Variants in EPHB4 observed in about 807,000 individuals in gnomAD.
EPHB4 encodes the protein EPH receptor B4.
Under a neutral mutation model 110.6 loss-of-function variants are expected in EPHB4, and 50 were observed. The observed-to-expected ratio is 0.45, with a 90% CI of 0.36 to 0.57. The LOEUF is 0.57. Among genes scored for constraint, EPHB4 ranks in the 20% least tolerant of loss-of-function variants. The pLI is 0.00. For synonymous variants in EPHB4, 592 were observed against 578.4 expected (o/e 1.02, Z -0.34); for missense variants, 1,128 against 1,382.1 (o/e 0.82, Z 2.91).
rs780186346 is a variant in EPHB4, at chr7:100,820,181, G to A, written c.924C>T (p.Tyr308=). The change falls in exon 5 of 17, where the codon TAC becomes TAT. Residue 308 remains tyrosine, a synonymous_variant. Transcript: ENST00000358173. ...CCCGGGGGTCTGTGCGTGCCCGGAA[G>A]TACCCGACGCGGCACTGGCAGACGG... ...GSAVCQCRVG[Y]FRARTDPRGA... 2.5e-6 allele frequency: 4 copies of A among 1,613,988 alleles called. No individual in the cohort carries two copies. In the African/African-American group the frequency reaches 4.0e-5, roughly 16 times the overall value.
chr7:100,822,676 G>C lies in EPHB4; in HGVS notation c.412-9C>G, dbSNP rs369329535. ...GCGGCCACCGTGTCCACCTGCCGGC[G>C]GGGGGGAGGCACACCGCTGCTGTCC... On this transcript the variant is annotated splice_polypyrimidine_tract_variant and intron_variant, in intron 3 of 16. Coordinates refer to ENST00000358173, the MANE Select transcript of EPHB4 (RefSeq NM_004444.5). This position sits in a 1 kb window ranked among gnomAD's most constrained non-coding sequence, Gnocchi z 4.7. 11 of 1,534,248 alleles carry C rather than the reference G, an allele frequency of 7.2e-6. No individual in the cohort carries two copies. The highest frequency in any genetic ancestry group is 5.8e-5 in the Admixed American group (3 of 51,792).
chr7:100,823,960 G>C lies in EPHB4; in HGVS notation c.124-29C>G, dbSNP rs2116462234. The C allele has an allele frequency of 1.9e-6, 3 of 1,549,966 alleles. No homozygotes were observed. The East Asian group carries it at 7.2e-5, about 37-fold the overall frequency. ...TGCAGAGAAGGAGGTCAGCAAGGGG[G>C]CTGGGGAGCCGCCAGGGAGAGGGCT... On this transcript the variant is annotated intron_variant, in intron 2 of 16. Transcript: ENST00000358173.
chr7:100,819,140 C>T (rs1304952128), intron 6 of EPHB4, among the ~76,000 whole-genome samples: 1 of 150,990 alleles, frequency 6.6e-6, no homozygotes, highest in Non-Finnish European at 1.5e-5. Flanking sequence ...GAGGATCTCA[C>T]ACTGCTCTGT....
At position 100,807,385 on chromosome 7, in the gene EPHB4, G is replaced by T; in HGVS notation, c.2314C>A (p.Pro772Thr). 1 of 1,613,614 alleles carries T rather than the reference G, an allele frequency of 6.2e-7. No individual in the cohort carries two copies. The highest frequency in any genetic ancestry group is 8.5e-7 in the Non-Finnish European group (1 of 1,179,920). ...SRFLEENSSD[P>T]TYTSSLGGKI... is the part of the protein sequence containing the mutation. ...ATTACCAGGGAGCTCGTGTAGGTGGGATCGGAAGAGTTCTCCTCCAGGAAT... is the reference window on the plus strand; with the variant it reads ...ATTACCAGGGAGCTCGTGTAGGTGGTATCGGAAGAGTTCTCCTCCAGGAAT... The change falls in exon 13 of 17, where the codon CCC becomes ACC. Residue 772 changes from proline to threonine, a missense_variant. By Grantham distance (38) the Pro-to-Thr change is conservative (BLOSUM62 -1). Coordinates refer to ENST00000358173, the MANE Select transcript of EPHB4 (RefSeq NM_004444.5).
rs1335678035 is a variant in EPHB4 at position 100,824,673 on chromosome 7, C to G, written c.53-400G>C. On this transcript the variant is annotated intron_variant, in intron 1 of 16. Coordinates refer to ENST00000358173, the MANE Select transcript of EPHB4 (RefSeq NM_004444.5). ...TTGTCTCAGCCTCCACGTTTCCTCC[C>G]CTAAGTCCCAGAATCAGCCTCTCTA... 7.4e-5 allele frequency: 15 copies of G among 201,746 alleles called. 1 individual carries two copies. In the South Asian group the frequency reaches 1.3e-3, roughly 18 times the overall value. 12.5% of individuals were successfully genotyped at this position (201,746 alleles called of 1,614,324 possible).
Position 100,822,164 on chromosome 7 carries a change from T to G in EPHB4, c.808+107A>C. Reference sequence around the variant, plus strand: ...CCTGGGTGACAGAGCAAGCCTCCATTTCAACATCTAACTATACAAAATGGA... The same window carrying G: ...CCTGGGTGACAGAGCAAGCCTCCATGTCAACATCTAACTATACAAAATGGA... On this transcript the variant is annotated intron_variant, in intron 4 of 16. Transcript: ENST00000358173. The surrounding 1 kb of genome is among the most constrained non-coding windows in gnomAD (Gnocchi z 4.7). 5.0e-6 allele frequency: 7 copies of G among 1,409,002 alleles called. No individual in the cohort carries two copies. Among genetic ancestry groups the G allele is most frequent in the Non-Finnish European group, 6.5e-6 (7 of 1,069,354 alleles). 87.3% of individuals were successfully genotyped at this position (1,409,002 alleles called of 1,614,324 possible).
intron 10 of EPHB4, 121 bp from the exon 11 acceptor site, chr7:100,813,329 T>TTC (rs1554418330): frequency 1.8e-3 from 1,335 of 759,510 alleles, no homozygotes; most frequent in South Asian, 2.2e-3. Flanking sequence ...TTTTTTTTTT[T>TTC]CCTGAGATGG....
chr7:100,818,376 G>C (rs1162036677), intron 7 of EPHB4, 144 bp downstream of exon 7: 2 of 1,248,530 alleles, frequency 1.6e-6, no homozygotes, highest in Non-Finnish European at 2.2e-6. Context: ...GCTCAGACAG[G>C]CCAAGGGGCT....
At chr7:100,814,856 A>AAAT (rs896881797) in intron 8 of EPHB4, among the ~76,000 whole-genome samples, 3 of 151,736 alleles carry the variant, frequency 2.0e-5, no homozygotes, top group African/African-American at 7.3e-5. Context: ...CTCTATCAAA[A>AAAT]AATAATAATA....
intron 1 of EPHB4, 42 bp from the exon 2 acceptor site, chr7:100,824,315 G>GA: frequency 6.2e-7 from 1 of 1,606,066 alleles, no homozygotes; most frequent in Non-Finnish European, 8.5e-7. Flanking sequence ...TGGGGTGGGG[G>GA]AGGGAGGTCA....
At chr7:100,824,466 C>T (rs904658739) in intron 1 of EPHB4, 193 bp from the exon 2 acceptor site, 7 of 598,762 alleles carry the variant, frequency 1.2e-5, no homozygotes, top group Admixed American at 5.8e-5. Flanking sequence ...CCAACCCCAC[C>T]CCCAACATCT....
chr7:100,820,875 T>TC (rs1813210144), intron 4 of EPHB4, among the ~76,000 whole-genome samples: 2 of 151,896 alleles, frequency 1.3e-5, no homozygotes, highest in African/African-American at 4.8e-5. Context: ...CCTGTGATTT[T>TC]TTTTTTTTCC....
Position 100,827,493 on chromosome 7 carries a change from G to T in EPHB4, c.-463C>A. ...CTGCGGCGCGGAGCCGGGCGGGCCGGGCCGGGCAGGGGCTGAGCTGCGCTG... is the reference window on the plus strand; with the variant it reads ...CTGCGGCGCGGAGCCGGGCGGGCCGTGCCGGGCAGGGGCTGAGCTGCGCTG... On this transcript the variant is annotated 5_prime_UTR_variant, in exon 1 of 17. Transcript: ENST00000358173. The T allele has an allele frequency of 6.6e-6, 1 of 151,682 alleles. No homozygotes were observed. The highest frequency in any genetic ancestry group is 1.9e-4 in the South Asian group (1 of 5,376). 9.4% of individuals were successfully genotyped at this position (151,682 alleles called of 1,614,324 possible).
In EPHB4 at chr7:100,812,381, G is replaced by C. The variant is rs192286711; in HGVS notation, c.2118+366C>G. On this transcript the variant is annotated intron_variant, in intron 12 of 16. Transcript: ENST00000358173. ...GAGGTGGGGAGATCACTTGAGGTCA[G>C]GAGTTTGATACCAGCCTGGCCTACA... is the stretch of plus-strand genomic sequence containing the variant. 2.7e-3 allele frequency among the ~76,000 whole-genome samples: 418 copies of C among 152,134 alleles called. 3 individuals are homozygous for C. Among genetic ancestry groups the C allele is most frequent in the African/African-American group, 9.7e-3 (404 of 41,514 alleles).
rs1241171625 is a variant in EPHB4 at position 100,822,328 on chromosome 7, T to C, written c.751A>G (p.Thr251Ala). 1.3e-6 allele frequency: 2 copies of C among 1,567,584 alleles called. No individual in the cohort carries two copies. Among genetic ancestry groups the C allele is most frequent in the Admixed American group, 1.8e-5 (1 of 54,724 alleles). The change falls in exon 4 of 17, where the codon ACG (threonine) becomes GCG (alanine). Residue 251 changes from threonine to alanine, a missense_variant. Physicochemically the swap from Thr to Ala is moderately conservative, Grantham distance 58. This residue lies in a region of EPHB4 where 728 missense variants were observed against 828.6 expected (regional missense o/e 0.88). Coordinates refer to ENST00000358173, the MANE Select transcript of EPHB4 (RefSeq NM_004444.5). The surrounding 1 kb of genome is among the most constrained non-coding windows in gnomAD (Gnocchi z 4.7). Reference protein sequence around the residue: ...EDGQWAEQPVTGCSCAPGFEA... With the variant: ...EDGQWAEQPVAGCSCAPGFEA... ...AACCCCGGAGCACAGCTGCAGCCCGTGACCGGCTGTTCGGCCCACTGGCCA... is the reference window on the plus strand; with the variant it reads ...AACCCCGGAGCACAGCTGCAGCCCGCGACCGGCTGTTCGGCCCACTGGCCA...
At chr7:100,824,109 G>A (rs1412050290) in intron 2 of EPHB4, 94 bp downstream of exon 2, 8 of 1,570,896 alleles carry the variant, frequency 5.1e-6, no homozygotes, top group Middle Eastern at 1.8e-4. Flanking sequence ...GGGGGGACAG[G>A]GGAGAGGAGT....
rs1183479782 is a variant in EPHB4 at position 100,822,505 on chromosome 7, G to C, written c.574C>G (p.Leu192Val). ...AGCTGGGCGCACTTTTTGTAGAAGA[G>C]GTGCAGGGATAGCAGGGCCATGCAG... is the stretch of plus-strand genomic sequence containing the variant. ...GACMALLSLH[L>V]FYKKCAQLTV... Residue 192 changes from leucine to valine, a missense_variant, in exon 4 of 17, where the codon CTC becomes GTC. This residue lies in a region of EPHB4 where 728 missense variants were observed against 828.6 expected (regional missense o/e 0.88). Transcript: ENST00000358173. This position sits in a 1 kb window ranked among gnomAD's most constrained non-coding sequence, Gnocchi z 4.7. The C allele has an allele frequency of 6.2e-7, 1 of 1,613,332 alleles. No individual in the cohort carries two copies. The highest frequency in any genetic ancestry group is 8.5e-7 in the Non-Finnish European group (1 of 1,179,856).
chr7:100,809,656 G>C (rs534960153), intron 12 of EPHB4, among the ~76,000 whole-genome samples: 2 of 152,118 alleles, frequency 1.3e-5, no homozygotes, highest in African/African-American at 2.4e-5. Context: ...TGGGACTACA[G>C]ATATGCACCA....
chr7:100,818,458 T>A (rs1813135353), intron 7 of EPHB4, 62 bp downstream of exon 7: 2 of 1,579,958 alleles, frequency 1.3e-6, no homozygotes, highest in African/African-American at 2.7e-5. Flanking sequence ...GCAACCCAGG[T>A]GTCCCAGCCA....
Sources: gnomAD v4.1 joint callset for allele counts (sites outside exome capture counted in the v4.1 genomes callset) on GRCh38, gnomAD v4.1.1 for gene constraint, gnomAD v4.1.1 regional missense constraint, Gnocchi (gnomAD v3.1) non-coding constraint, MANE v1.5 for transcripts, NCBI Gene and HGNC (gene_info 2026-07-23, HGNC 2026-07-21) for gene names.